The following ELP2 variants were observed in gnomAD, a reference collection of about 807,000 sequenced individuals.
ELP2 encodes elongator complex protein 2.
Under a neutral mutation model 119.2 loss-of-function variants are expected in ELP2, and 90 were observed. That is an observed-to-expected ratio of 0.75 (90% CI 0.64 to 0.90). ELP2 has a LOEUF of 0.90. Ranked by LOEUF, ELP2 falls within the 40% of genes least tolerant of loss-of-function variation. ELP2 has a pLI of 0.00. For missense variants in ELP2, 921 were observed against 967.8 expected (o/e 0.95, Z 0.64); for synonymous variants, 339 against 331.0 (o/e 1.02, Z -0.26).
At chr18:36,140,585 G>C (rs1046932456) in intron 5 of ELP2, among the ~76,000 whole-genome samples, 2 of 152,042 alleles carry the variant, frequency 1.3e-5, no homozygotes, top group African/African-American at 4.8e-5. Context: ...GACCTCAGGT[G>C]ATCTGCCCAC....
intron 17 of ELP2, among the ~76,000 whole-genome samples, chr18:36,161,698 TAAATATGATGATA>T (rs2090747219): frequency 6.6e-6 from 1 of 152,224 alleles, no homozygotes; most frequent in Non-Finnish European, 1.5e-5. Context: ...TTACTTGTTT[TAAATATGATGATA>T]AGAGCCGCCC....
chr18:36,141,957 G>A (rs1297525394), intron 6 of ELP2, among the ~76,000 whole-genome samples: 1 of 151,852 alleles, frequency 6.6e-6, no homozygotes, highest in East Asian at 1.9e-4. Context: ...GCCTCGCAAG[G>A]TATTAGGATT....
chr18:36,145,892 C>T, intron 9 of ELP2, 56 bp from the exon 10 acceptor site: 1 of 1,411,162 alleles, frequency 7.1e-7, no homozygotes. Context: ...TTTTTCTGGT[C>T]ATCTACAAAC....
At chr18:36,160,801 A>T (rs2090713929) in intron 16 of ELP2, 131 bp from the exon 17 acceptor site, 1 of 666,686 alleles carries the variant, frequency 1.5e-6, no homozygotes, top group Non-Finnish European at 2.6e-6. Flanking sequence ...GCCTAGACAA[A>T]CATACAATGT....
At chr18:36,160,644 T>G (rs917089522) in intron 16 of ELP2, among the ~76,000 whole-genome samples, 3 of 152,070 alleles carry the variant, frequency 2.0e-5, no homozygotes, top group Admixed American at 6.6e-5. Flanking sequence ...TGGTTCCTGA[T>G]GAAGACTTTT....
rs527517515 is a variant in ELP2, at chr18:36,171,281, CTTTG to C, written c.2324+125_2324+128del. On this transcript the variant is annotated intron_variant, in intron 21 of 21. Coordinates refer to ENST00000358232, the MANE Select transcript of ELP2 (RefSeq NM_018255.4). ...ATATCTGTATTCGTCGTGTCTACCA[CTTTG>C]TTTTGTGGTAATCTGAAATTGATAC... The C allele has an allele frequency of 2.5e-4, 184 of 726,398 alleles. 3 individuals are homozygous for C. The South Asian group carries it at 2.7e-3, about 11-fold the overall frequency. 45.0% of individuals were successfully genotyped at this position (726,398 alleles called of 1,614,324 possible). A position where few individuals can be genotyped will look rare whatever the true frequency, so the allele number is the denominator to read the frequency against.
Position 36,144,946 on chromosome 18 carries a change from A to G in ELP2, c.804A>G (p.Lys268=). ...TCATTGCTTTTGTTATAGGTGTTAA[A>G]ATAGCATTTGCTGTTACTCTGGAGA... ...NTFTIENESV[K]IAFAVTLETV... The change falls in exon 9 of 22, where the codon AAA becomes AAG. Residue 268 remains lysine, a synonymous_variant. Transcript: ENST00000358232. The G allele has an allele frequency of 6.2e-7, 1 of 1,613,528 alleles. No individual in the cohort carries two copies. The highest frequency in any genetic ancestry group is 8.5e-7 in the Non-Finnish European group (1 of 1,179,462).
chr18:36,164,307 C>T (rs781632788), intron 17 of ELP2, among the ~76,000 whole-genome samples, 168 bp from the exon 18 acceptor site: 3 of 152,054 alleles, frequency 2.0e-5, no homozygotes, highest in Non-Finnish European at 4.4e-5. Context: ...ATCTGTAATT[C>T]TTCCCAGAGA....
intron 17 of ELP2, among the ~76,000 whole-genome samples, chr18:36,163,667 A>T (rs1278737493): frequency 6.6e-6 from 1 of 152,096 alleles, no homozygotes; most frequent in African/African-American, 2.4e-5. Flanking sequence ...ATTTTCTTTT[A>T]TTGTAGATAC....
In ELP2 at chr18:36,171,034, C is replaced by T; in HGVS notation, c.2211-13C>T. On this transcript the variant is annotated splice_polypyrimidine_tract_variant and intron_variant, in intron 20 of 21. Coordinates refer to ENST00000358232, the MANE Select transcript of ELP2 (RefSeq NM_018255.4). ...CTAAGTTAATCACTGTTGTCCCCCT[C>T]CCTTAAAAACAGATACGTGGTTGCA... 2 of 1,559,514 alleles carry T rather than the reference C, an allele frequency of 1.3e-6. No individual in the cohort carries two copies. The highest frequency in any genetic ancestry group is 1.8e-6 in the Non-Finnish European group (2 of 1,130,348).
Position 36,171,114 on chromosome 18 carries a change from G to GT in ELP2, c.2280dup (p.Pro761SerfsTer5). The GT allele has an allele frequency of 6.2e-7, 1 of 1,614,088 alleles. No individual in the cohort carries two copies. Among genetic ancestry groups the GT allele is most frequent in the Non-Finnish European group, 8.5e-7 (1 of 1,179,936 alleles). On this transcript the variant is annotated frameshift_variant, in exon 21 of 22. Coordinates refer to ENST00000358232, the MANE Select transcript of ELP2 (RefSeq NM_018255.4). LOFTEE classifies it high-confidence loss of function. ...ATATACCTGGAAAAAGACTGATCAAGTTCCAGAAATAAATGACTGGACCCA... is the reference window on the plus strand; with the variant it reads ...ATATACCTGGAAAAAGACTGATCAAGTTTCCAGAAATAAATGACTGGACCCA...
At chr18:36,133,146 A>C in intron 1 of ELP2, 92 bp from the exon 2 acceptor site, 1 of 849,944 alleles carries the variant, frequency 1.2e-6, no homozygotes, top group Non-Finnish European at 2.0e-6. Context: ...TCTTTTTACT[A>C]GCATCGAAAA....
At chr18:36,138,774 G>A in intron 4 of ELP2, 21 bp from the exon 5 acceptor site, 1 of 1,597,158 alleles carries the variant, frequency 6.3e-7, no homozygotes, top group Non-Finnish European at 8.6e-7. Context: ...GTTGTTCATT[G>A]TGTTTTTTAT....
In ELP2 at chr18:36,171,127, A is replaced by G; in HGVS notation, c.2291A>G (p.Asn764Ser). 6.2e-7 allele frequency: 1 copy of G among 1,613,946 alleles called. No individual in the cohort carries two copies. The highest frequency in any genetic ancestry group is 8.5e-7 in the Non-Finnish European group (1 of 1,179,782). Reference sequence around the variant, plus strand: ...AAGACTGATCAAGTTCCAGAAATAAATGACTGGACCCACTGTGTAGAAACA... The same window carrying G: ...AAGACTGATCAAGTTCCAGAAATAAGTGACTGGACCCACTGTGTAGAAACA... ...WKKTDQVPEI[N>S]DWTHCVETSQ... Residue 764 changes from asparagine (N) to serine (S), a missense_variant, in exon 21 of 22, where the codon AAT becomes AGT. By Grantham distance (46) the Asn-to-Ser change is conservative (BLOSUM62 1). Transcript: ENST00000358232.
At chr18:36,155,824 A>T (rs1211194922) in intron 12 of ELP2, among the ~76,000 whole-genome samples, 1 of 152,230 alleles carries the variant, frequency 6.6e-6, no homozygotes, top group Non-Finnish European at 1.5e-5. Context: ...GCCTGAAGTC[A>T]TATAGTATTA....
At chr18:36,146,140 A>G (rs2090191544) in intron 10 of ELP2, 92 bp downstream of exon 10, 8 of 1,573,528 alleles carry the variant, frequency 5.1e-6, no homozygotes, top group Admixed American at 5.0e-5. Flanking sequence ...GCAAATTTTC[A>G]CTGTGTACAT....
intron 2 of ELP2, 35 bp downstream of exon 2, chr18:36,133,351 T>C: frequency 1.3e-6 from 2 of 1,494,276 alleles, no homozygotes; most frequent in Non-Finnish European, 1.9e-6. Context: ...TTGATCTCAA[T>C]TGTTTTCTGA....
At chr18:36,151,742 GTT>G (rs71166098) in intron 11 of ELP2, among the ~76,000 whole-genome samples, 99 of 109,842 alleles carry the variant, frequency 9.0e-4, no homozygotes, top group Non-Finnish European at 1.4e-3. Context: ...GTTCTGTTCT[GTT>G]TTTTTTTTTT....
In ELP2 at chr18:36,178,879, G is replaced by C. The variant is rs965050463; in HGVS notation, c.*4238G>C. 2 of 152,090 alleles carry C rather than the reference G, an allele frequency of 1.3e-5. No individual in the cohort carries two copies. The highest frequency in any genetic ancestry group is 2.9e-5 in the Non-Finnish European group (2 of 68,034). The allele number at this position is 152,090 out of a possible 1,614,324, so 9.4% of individuals were successfully genotyped here. ...TTATTAATGAAGCTGGGCAGTGTTG[G>C]GGTGGTCATACTATTCTAATTTTTT... is the stretch of plus-strand genomic sequence containing the variant. On this transcript the variant is annotated 3_prime_UTR_variant, in exon 22 of 22. Transcript: ENST00000358232.
Sources: gnomAD v4.1 joint callset for allele counts (sites outside exome capture counted in the v4.1 genomes callset) on GRCh38, gnomAD v4.1.1 for gene constraint, MANE v1.5 for transcripts, NCBI Gene and HGNC (gene_info 2026-07-23, HGNC 2026-07-21) for gene names.